The following PAX8 variants were observed in gnomAD, a reference collection of about 807,000 sequenced individuals.
The protein encoded by PAX8 is paired box 8, also known as paired box protein Pax-8.
In PAX8, 15 loss-of-function variants were observed where a neutral mutation model predicts 52.4. The ratio of observed to expected loss-of-function variants is 0.29; its 90% CI spans 0.19 to 0.44. The LOEUF is 0.44. Among genes scored for constraint, PAX8 ranks in the 20% least tolerant of loss-of-function variants. The probability of loss-of-function intolerance (pLI) is 1.00; values close to 1 mark genes in which losing one functional copy is unlikely to be tolerated. For missense variants in PAX8, 554 were observed against 602.5 expected (o/e 0.92, Z 0.84); for synonymous variants, 284 against 249.7 (o/e 1.14, Z -1.29).
At chr2:113,254,740 G>A (rs1390009025) in intron 2 of PAX8, among the ~76,000 whole-genome samples, 1 of 152,152 alleles carries the variant, frequency 6.6e-6, no homozygotes, top group Non-Finnish European at 1.5e-5. Flanking sequence ...TGAACCTGAT[G>A]CCCTAACAAC....
At chr2:113,252,489 C>T (rs886171178) in intron 2 of PAX8, among the ~76,000 whole-genome samples, 1 of 152,182 alleles carries the variant, frequency 6.6e-6, no homozygotes, top group Non-Finnish European at 1.5e-5. Context: ...TCCCAGTGTC[C>T]AAAGTCTGCA....
chr2:113,236,507 C>T (rs1015052035), intron 8 of PAX8, 94 bp downstream of exon 8: 8 of 1,427,680 alleles, frequency 5.6e-6, no homozygotes, highest in African/African-American at 1.4e-5. Flanking sequence ...CGCCTCTCCT[C>T]TCCAGGCCAG....
intron 9 of PAX8, among the ~76,000 whole-genome samples, chr2:113,233,173 A>G (rs1159398639): frequency 6.6e-6 from 1 of 151,714 alleles, no homozygotes; most frequent in Non-Finnish European, 1.5e-5. Context: ...CTTTGGTCAA[A>G]ACAAATGACC....
intron 7 of PAX8, chr2:113,237,877 A>G (rs936899427): frequency 3.3e-5 from 5 of 152,204 alleles, no homozygotes; most frequent in East Asian, 1.9e-4. Context: ...AGTGATTTCC[A>G]TCGAGCTGGG....
At chr2:113,219,479 G>A (rs1689160979) in intron 11 of PAX8, among the ~76,000 whole-genome samples, 1 of 152,240 alleles carries the variant, frequency 6.6e-6, no homozygotes, top group African/African-American at 2.4e-5. Context: ...GACAAGAGAG[G>A]GGTGAAGAGA....
At chr2:113,225,366 T>A (rs907494313) in intron 10 of PAX8, among the ~76,000 whole-genome samples, 7 of 152,196 alleles carry the variant, frequency 4.6e-5, no homozygotes, top group Non-Finnish European at 1.0e-4. Flanking sequence ...ACTGGGAGAT[T>A]GCAAGCAGTG....
chr2:113,228,562 C>T (rs944859506), intron 9 of PAX8, among the ~76,000 whole-genome samples: 12 of 152,212 alleles, frequency 7.9e-5, no homozygotes, highest in African/African-American at 2.9e-4. Context: ...AGTGTGACAA[C>T]AAAAATGCCT....
intron 2 of PAX8, chr2:113,274,761 A>T (rs911299668): frequency 1.3e-5 from 2 of 152,212 alleles, no homozygotes; most frequent in Non-Finnish European, 2.9e-5. Context: ...CTCTTACAAA[A>T]ATGATTTCAT....
chr2:113,225,973 A>G, intron 10 of PAX8: 1 of 985,204 alleles, frequency 1.0e-6, no homozygotes, highest in Non-Finnish European at 1.2e-6. Context: ...GTCCGGGGCC[A>G]GGAGGGACAG....
At chr2:113,247,653 A>T (rs1014333168) in intron 2 of PAX8, among the ~76,000 whole-genome samples, 13 of 152,178 alleles carry the variant, frequency 8.5e-5, no homozygotes, top group Non-Finnish European at 1.6e-4. Flanking sequence ...ATGTGTGTAC[A>T]CGTTCCCTTA....
intron 2 of PAX8, chr2:113,250,806 A>G (rs1443217370): frequency 6.6e-6 from 1 of 152,274 alleles, no homozygotes; most frequent in Non-Finnish European, 1.5e-5. Flanking sequence ...CAAGACAAGA[A>G]TCCTGGCCTT....
At chr2:113,272,764 C>T (rs779287276) in intron 2 of PAX8, 2 of 152,184 alleles carry the variant, frequency 1.3e-5, no homozygotes, top group Non-Finnish European at 2.9e-5. Context: ...AGAAGGTGTT[C>T]CAATCTGCAT....
intron 7 of PAX8, chr2:113,237,007 C>T (rs1690417973): frequency 2.1e-6 from 1 of 473,380 alleles, no homozygotes; most frequent in Admixed American, 3.5e-5. Context: ...TGGTCGGCTT[C>T]CTGGTTTCAC....
intron 10 of PAX8, among the ~76,000 whole-genome samples, chr2:113,223,217 C>G (rs1178436938): frequency 6.6e-6 from 1 of 152,150 alleles, no homozygotes; most frequent in Non-Finnish European, 1.5e-5. Flanking sequence ...CCCTCCTGGT[C>G]TGCCATATAT....
intron 11 of PAX8, 60 bp from the exon 12 acceptor site, chr2:113,218,669 T>C (rs903459994): frequency 1.2e-5 from 13 of 1,064,534 alleles, no homozygotes; most frequent in Admixed American, 2.1e-5. Flanking sequence ...AATTGCACCA[T>C]AGCCTTCCCT....
chr2:113,234,783 G>T (rs1399427122), intron 9 of PAX8, among the ~76,000 whole-genome samples: 1 of 152,190 alleles, frequency 6.6e-6, no homozygotes, highest in Non-Finnish European at 1.5e-5. Context: ...CTCCCAAACT[G>T]CTGGAATTAC....
intron 9 of PAX8, 49 bp from the exon 10 acceptor site, chr2:113,227,305 T>C (rs1689640986): frequency 4.2e-6 from 6 of 1,415,196 alleles, no homozygotes; most frequent in Admixed American, 1.9e-5. Flanking sequence ...GGGGCTCCCA[T>C]ATGTATCATC....
At chr2:113,267,196 C>A (rs757178917) in intron 2 of PAX8, 1 of 152,288 alleles carries the variant, frequency 6.6e-6, no homozygotes, top group East Asian at 1.9e-4. Flanking sequence ...CCCATGCTAG[C>A]TGGCAGCCAC....
At position 113,235,382 on chromosome 2, in the gene PAX8, T is replaced by A. The variant is rs1378269084; in HGVS notation, c.1087+12A>T. On this transcript the variant is annotated intron_variant, in intron 9 of 11. Coordinates refer to ENST00000429538, the MANE Select transcript of PAX8 (RefSeq NM_003466.4). ...GCCATAGCTGCATGGCCCCGGGACCTCCCTGTCGTACCTGAGAGGAGGGCC... is the reference window on the plus strand; with the variant it reads ...GCCATAGCTGCATGGCCCCGGGACCACCCTGTCGTACCTGAGAGGAGGGCC... 1.9e-6 allele frequency: 3 copies of A among 1,561,196 alleles called. No individual in the cohort carries two copies. Among genetic ancestry groups the A allele is most frequent in the Non-Finnish European group, 2.6e-6 (3 of 1,152,974 alleles).
Sources: allele counts gnomAD v4.1 joint callset (sites outside exome capture counted in the v4.1 genomes callset), GRCh38; gene constraint gnomAD v4.1.1; transcripts MANE v1.5; gene names NCBI Gene and HGNC (gene_info 2026-07-23, HGNC 2026-07-21).